SLC30A10: variants seen among roughly 807,000 people sequenced by gnomAD.
SLC30A10 encodes solute carrier family 30 member 10.
In SLC30A10, 8 loss-of-function variants were observed where a neutral mutation model predicts 21.7. The ratio of observed to expected loss-of-function variants is 0.37; its 90% CI spans 0.22 to 0.67. The LOEUF (loss-of-function observed/expected upper bound fraction) is 0.67, where lower values mean the gene tolerates loss of function less well. SLC30A10 is among the 30% of genes least tolerant of loss of function. The pLI, the probability that SLC30A10 is intolerant of heterozygous loss-of-function variation, is 0.58. For synonymous variants in SLC30A10, 272 were observed against 279.4 expected, an observed-to-expected ratio of 0.97 and a Z score of 0.26; for missense variants, 521 against 642.5, an observed-to-expected ratio of 0.81 and a Z score of 2.04.
chr1:219,930,884 T>A (rs1447370362), upstream of SLC30A10, among the ~76,000 whole-genome samples: 1 of 152,206 alleles, frequency 6.6e-6, no homozygotes, highest in Non-Finnish European at 1.5e-5. Context: ...AAGCACTCAA[T>A]AAATGTTCTA....
Position 219,918,631 on chromosome 1 carries a change from G to A in SLC30A10, c.719-137C>T. ...GTTTTTGTTTTGGTTAGAACAGTAG[G>A]ATGAATCAAAATAATGGCAACTACT... On this transcript the variant is annotated intron_variant, in intron 2 of 3. Coordinates refer to ENST00000366926, the MANE Select transcript of SLC30A10 (RefSeq NM_018713.3). The surrounding 1 kb of genome is among the most constrained non-coding windows in gnomAD (Gnocchi z 4.4). 1 of 1,094,534 alleles carries A rather than the reference G, an allele frequency of 9.1e-7. No homozygotes were observed. The highest frequency in any genetic ancestry group is 1.3e-6 in the Non-Finnish European group (1 of 796,240). 67.8% of individuals were successfully genotyped at this position (1,094,534 alleles called of 1,614,324 possible).
chr1:219,936,456 T>C (rs759061487), intron 1 of SLC30A10, among the ~76,000 whole-genome samples: 2 of 152,144 alleles, frequency 1.3e-5, no homozygotes, highest in Non-Finnish European at 2.9e-5. Context: ...TGCTTTCCTG[T>C]GGTAAGATAT....
At chr1:219,946,948 C>T (rs1191911434) in intron 1 of SLC30A10, among the ~76,000 whole-genome samples, 1 of 152,154 alleles carries the variant, frequency 6.6e-6, no homozygotes, top group Non-Finnish European at 1.5e-5. Context: ...ACAATGTGCT[C>T]AACTGGCTCT....
rs148987359 is a variant in SLC30A10, at chr1:219,912,895, G to A, written c.*2554C>T. Among the ~76,000 whole-genome samples, 324 of 152,216 alleles carry A rather than the reference G, an allele frequency of 2.1e-3. No individual in the cohort carries two copies. Among genetic ancestry groups the A allele is most frequent in the African/African-American group, 7.4e-3 (308 of 41,546 alleles). ...CAGTTCTTTAAAAAAAGGCGGGGAG[G>A]AGGGGATTTTCTGTAAATAACCTAA... On this transcript the variant is annotated 3_prime_UTR_variant, in exon 4 of 4. Coordinates refer to ENST00000366926, the MANE Select transcript of SLC30A10 (RefSeq NM_018713.3).
Position 219,914,146 on chromosome 1 carries a change from T to C in SLC30A10, c.*1303A>G, listed in dbSNP as rs1358811422. Reference sequence around the variant, plus strand: ...CAATCTTGCAGTCTACCAGAGATGATACTAGTTGTCTAGTGAGGCACTTCC... The same window carrying C: ...CAATCTTGCAGTCTACCAGAGATGACACTAGTTGTCTAGTGAGGCACTTCC... On this transcript the variant is annotated 3_prime_UTR_variant, in exon 4 of 4. Transcript: ENST00000366926. 6.6e-6 allele frequency: 1 copy of C among 152,232 alleles called. No homozygotes were observed. Among genetic ancestry groups the C allele is most frequent in the Non-Finnish European group, 1.5e-5 (1 of 68,050 alleles). The allele number at this position is 152,232 out of a possible 1,614,324, so 9.4% of individuals were successfully genotyped here.
Position 219,915,559 on chromosome 1 carries a change from C to G in SLC30A10, c.1348G>C (p.Ala450Pro). 1 of 1,614,264 alleles carries G rather than the reference C, an allele frequency of 6.2e-7. No individual in the cohort carries two copies. Among genetic ancestry groups the G allele is most frequent in the East Asian group, 2.2e-5 (1 of 44,878 alleles). ...YGSDGLSRRD[A>P]REVAIEVSLD... ...GACACTTCAATAGCCACTTCTCTTG[C>G]GTCTCTTCTACTGAGGCCATCACTT... Residue 450 changes from alanine (A) to proline (P), a missense_variant, in exon 4 of 4, where the codon GCA (alanine) becomes CCA (proline). Physicochemically the swap from Ala to Pro is conservative, Grantham distance 27 (BLOSUM62 -1). Coordinates refer to ENST00000366926, the MANE Select transcript of SLC30A10 (RefSeq NM_018713.3).
chr1:219,951,714 C>A (rs1423627281), intron 1 of SLC30A10, among the ~76,000 whole-genome samples: 1 of 150,618 alleles, frequency 6.6e-6, no homozygotes, highest in Non-Finnish European at 1.5e-5. Context: ...GAGTGAGACT[C>A]CATCTCAAAA....
intron 1 of SLC30A10, among the ~76,000 whole-genome samples, chr1:219,944,227 C>G (rs1004469170): frequency 4.0e-5 from 6 of 151,468 alleles, no homozygotes; most frequent in African/African-American, 1.2e-4. Context: ...GCGGGCAGAT[C>G]ACGAGGTCAG....
chr1:219,944,325 T>G (rs1287445034), intron 1 of SLC30A10, among the ~76,000 whole-genome samples: 1 of 147,674 alleles, frequency 6.8e-6, no homozygotes, highest in Non-Finnish European at 1.5e-5. Context: ...GTGGGCACCT[T>G]TAGTGCCAGC....
chr1:219,954,399 G>T (rs745472356), intron 1 of SLC30A10, among the ~76,000 whole-genome samples: 1 of 152,060 alleles, frequency 6.6e-6, no homozygotes, highest in Non-Finnish European at 1.5e-5. Flanking sequence ...ACAAAACTTA[G>T]CCGGGCACAG....
In SLC30A10 at chr1:219,918,439, C is replaced by A; in HGVS notation, c.774G>T (p.Thr258=). 6.2e-7 allele frequency: 1 copy of A among 1,613,568 alleles called. No individual in the cohort carries two copies. The highest frequency in any genetic ancestry group is 8.5e-7 in the Non-Finnish European group (1 of 1,179,648). ...DALGSVVVVI[T]AIIFYVLPLK... ...GGGGAAGCACATAGAATATGATGGC[C>A]GTGATGACCACAACCACGGACCCCA... is the stretch of plus-strand genomic sequence containing the variant. Residue 258 remains threonine, a synonymous_variant, in exon 3 of 4, where the codon ACG becomes ACT. Transcript: ENST00000366926. This position sits in a 1 kb window ranked among gnomAD's most constrained non-coding sequence, Gnocchi z 4.4.
At chr1:219,939,177 G>T (rs192791639) in intron 1 of SLC30A10, among the ~76,000 whole-genome samples, 195 of 152,300 alleles carry the variant, frequency 1.3e-3, no homozygotes, top group Non-Finnish European at 1.4e-3. Context: ...GGATGAATTA[G>T]ATGAGACTGG....
At chr1:219,956,686 GA>G (rs1022802967) in intron 1 of SLC30A10, among the ~76,000 whole-genome samples, 4 of 148,806 alleles carry the variant, frequency 2.7e-5, no homozygotes, top group African/African-American at 4.9e-5. Flanking sequence ...AAGAAGAAAA[GA>G]AAAAAAAGAA....
chr1:219,944,448 AAAAAC>A lies in SLC30A10; in HGVS notation n.80+14115_80+14119del, dbSNP rs370187926. Reference sequence around the variant, plus strand: ...GGGTGACAGAGCAAGACTCTGTCTCAAAAACAAAACAAAACAAAACAAAACAAACA... The same window carrying A: ...GGGTGACAGAGCAAGACTCTGTCTCAAAAACAAAACAAAACAAAACAAACA... On this transcript the variant is annotated intron_variant and non_coding_transcript_variant, in intron 1 of 8. Transcript: ENST00000484239. Among the ~76,000 whole-genome samples the A allele has an allele frequency of 3.6e-3, 547 of 151,960 alleles. 3 individuals are homozygous for A. Among genetic ancestry groups the A allele is most frequent in the African/African-American group, 0.013 (524 of 41,428 alleles).
intron 1 of SLC30A10, among the ~76,000 whole-genome samples, chr1:219,936,926 T>A (rs1182922857): frequency 2.0e-5 from 3 of 152,230 alleles, no homozygotes; most frequent in Admixed American, 6.5e-5. Flanking sequence ...TCAAATTGAT[T>A]TGATGCTCAC....
In SLC30A10 at chr1:219,915,756, T is replaced by C. The variant is rs759019425; in HGVS notation, c.1151A>G (p.Asn384Ser). The change falls in exon 4 of 4, where the codon AAT becomes AGT. Residue 384 changes from asparagine (N) to serine (S), a missense_variant. Physicochemically the swap from Asn to Ser is conservative, Grantham distance 46. Transcript: ENST00000366926. ...GIHNVTIQFE[N>S]VDLKEPLEQK... is the part of the protein sequence containing the mutation. ...CTCCAGGGGTTCCTTCAAGTCCACA[T>C]TTTCAAACTGGATGGTCACATTGTG... 3.7e-6 allele frequency: 6 copies of C among 1,614,224 alleles called. No individual in the cohort carries two copies. The South Asian group carries it at 6.6e-5, about 18-fold the overall frequency.
At chr1:219,941,253 A>G (rs1660116213) in intron 1 of SLC30A10, among the ~76,000 whole-genome samples, 1 of 152,206 alleles carries the variant, frequency 6.6e-6, no homozygotes. Flanking sequence ...TAAAGCAGAA[A>G]CAACAAGACA....
chr1:219,947,121 C>T (rs1394122123), intron 1 of SLC30A10, among the ~76,000 whole-genome samples: 1 of 152,088 alleles, frequency 6.6e-6, no homozygotes, highest in East Asian at 1.9e-4. Flanking sequence ...GGAGCCAGCC[C>T]CTACCTCCCA....
intron 1 of SLC30A10, among the ~76,000 whole-genome samples, chr1:219,943,225 G>T (rs957256225): frequency 6.6e-6 from 1 of 152,146 alleles, no homozygotes; most frequent in Non-Finnish European, 1.5e-5. Flanking sequence ...GGACTGGAAA[G>T]TATAAGTAAA....
Sources: gnomAD v4.1 joint callset for allele counts (sites outside exome capture counted in the v4.1 genomes callset) on GRCh38, gnomAD v4.1.1 for gene constraint, Gnocchi (gnomAD v3.1) non-coding constraint, MANE v1.5 for transcripts, NCBI Gene and HGNC (gene_info 2026-07-23, HGNC 2026-07-21) for gene names.